PEAR1: variants seen among roughly 807,000 people sequenced by gnomAD.
The protein encoded by PEAR1 is multiple EGF-like domains protein 12.
A neutral mutation model predicts 131.2 loss-of-function variants in PEAR1; 113 were observed. The observed-to-expected ratio is 0.86, with a 90% CI of 0.74 to 1.01. PEAR1 has a LOEUF of 1.01. Ranked by LOEUF, PEAR1 falls within the 50% of genes least tolerant of loss-of-function variation. The pLI is 0.00. For missense variants in PEAR1, 1,408 were observed against 1,391.1 expected, an observed-to-expected ratio of 1.01 and a Z score of -0.19; for synonymous variants, 565 against 523.3, an observed-to-expected ratio of 1.08 and a Z score of -1.09.
intron 6 of PEAR1, 96 bp from the exon 7 acceptor site, chr1:156,907,514 G>A: frequency 6.6e-7 from 1 of 1,524,384 alleles, no homozygotes. Flanking sequence ...GAATCACTAA[G>A]TCCTGAGGTG....
At chr1:156,906,389 G>A (rs1650303294) in intron 5 of PEAR1, 21 bp downstream of exon 5, 3 of 1,613,604 alleles carry the variant, frequency 1.9e-6, no homozygotes, top group African/African-American at 1.3e-5. Context: ...ACTGACCCCA[G>A]GGAGTGGCCT....
intron 11 of PEAR1, among the ~76,000 whole-genome samples, chr1:156,909,371 C>A (rs1650777770): frequency 6.6e-6 from 1 of 152,190 alleles, no homozygotes; most frequent in Non-Finnish European, 1.5e-5. Flanking sequence ...AACCTTTAGG[C>A]TGGACTCGGA....
rs1486330909 is a variant in PEAR1 at position 156,915,849 on chromosome 1, T to C, written c.*1051T>C. ...AACAAATGCTCCCCAAAAGGCTGAG[T>C]GGCTGACTGAATTAAGTACCAGTGA... On this transcript the variant is annotated 3_prime_UTR_variant, in exon 23 of 23. Coordinates refer to ENST00000292357, the MANE Select transcript of PEAR1 (RefSeq NM_001080471.3). 1 of 152,230 alleles carries C rather than the reference T, an allele frequency of 6.6e-6. No homozygotes were observed. The highest frequency in any genetic ancestry group is 1.5e-5 in the Non-Finnish European group (1 of 68,054). 9.4% of individuals were successfully genotyped at this position (152,230 alleles called of 1,614,324 possible). A position where few individuals can be genotyped will look rare whatever the true frequency, so the allele number is the denominator to read the frequency against.
At chr1:156,914,425 G>T (rs917677151) in intron 22 of PEAR1, among the ~76,000 whole-genome samples, 2 of 152,190 alleles carry the variant, frequency 1.3e-5, no homozygotes, top group Non-Finnish European at 2.9e-5. Flanking sequence ...CCTGGGAGGT[G>T]GGCGGGCTGA....
At position 156,908,400 on chromosome 1, in the gene PEAR1, G is replaced by T. The variant is rs954137460; in HGVS notation, c.1115+60G>T. 9.0e-6 allele frequency: 13 copies of T among 1,444,496 alleles called. No homozygotes were observed. The Admixed American group carries it at 1.4e-4, about 16-fold the overall frequency. 89.5% of individuals were successfully genotyped at this position (1,444,496 alleles called of 1,614,324 possible). On this transcript the variant is annotated intron_variant, in intron 9 of 22. Coordinates refer to ENST00000292357, the MANE Select transcript of PEAR1 (RefSeq NM_001080471.3). This position sits in a 1 kb window ranked among gnomAD's most constrained non-coding sequence, Gnocchi z 4.2. ...GGCCAATGGGGAGGTCTTCCTGGCC[G>T]AAGTCACCACAGAGCCAGGGCCATA...
At chr1:156,910,540 G>A (rs1021741394) in intron 14 of PEAR1, 78 bp from the exon 15 acceptor site, 11 of 1,578,814 alleles carry the variant, frequency 7.0e-6, no homozygotes, top group Non-Finnish European at 9.5e-6. Flanking sequence ...CAGTGGGAAG[G>A]TGGGAGGGAG....
Position 156,904,855 on chromosome 1 carries a change from G to A in PEAR1, c.206+3G>A, listed in dbSNP as rs747671543. ...CCCCATACTTGCCCCCAGCCCACGT[G>A]AGTGCTCCTCATCCTCCATGGGTGG... On this transcript the variant is annotated splice_donor_region_variant and intron_variant, in intron 3 of 22. Transcript: ENST00000292357. The A allele has an allele frequency of 6.2e-6, 10 of 1,613,836 alleles. No homozygotes were observed.
intron 11 of PEAR1, 22 bp downstream of exon 11, chr1:156,909,058 G>A (rs1374011940): frequency 6.2e-7 from 1 of 1,613,344 alleles, no homozygotes. Flanking sequence ...GAGTTTCCCA[G>A]AGAGAAGACT....
In PEAR1 at chr1:156,913,840, C is replaced by T. The variant is rs777662819; in HGVS notation, c.2714-12C>T. 8.7e-6 allele frequency: 14 copies of T among 1,611,470 alleles called. No individual in the cohort carries two copies. In the African/African-American group the frequency reaches 1.5e-4, roughly 17 times the overall value. Reference sequence around the variant, plus strand: ...GCCTCCATGCGGCCTGACTTCTTTCCTCTATCCTTAGGGCTCATCTCTGAA... The same window carrying T: ...GCCTCCATGCGGCCTGACTTCTTTCTTCTATCCTTAGGGCTCATCTCTGAA... On this transcript the variant is annotated splice_polypyrimidine_tract_variant and intron_variant, in intron 21 of 22. Coordinates refer to ENST00000292357, the MANE Select transcript of PEAR1 (RefSeq NM_001080471.3).
intron 4 of PEAR1, 144 bp from the exon 5 acceptor site, chr1:156,906,132 C>T (rs1570958746): frequency 1.5e-6 from 1 of 666,896 alleles, no homozygotes; most frequent in South Asian, 2.0e-5. Flanking sequence ...GTTGCTGCCC[C>T]TCAGTCTTTA....
intron 1 of PEAR1, among the ~76,000 whole-genome samples, chr1:156,899,627 A>C (rs923112942): frequency 6.6e-6 from 1 of 152,156 alleles, no homozygotes; most frequent in Non-Finnish European, 1.5e-5. Context: ...CAAGAGGAGG[A>C]GTGGGACTGA....
chr1:156,904,574 GC>G (rs1432518445), intron 2 of PEAR1, among the ~76,000 whole-genome samples, 173 bp from the exon 3 acceptor site: 3 of 152,184 alleles, frequency 2.0e-5, no homozygotes, highest in Non-Finnish European at 2.9e-5. Flanking sequence ...TCTGGGAGAA[GC>G]CTCCAGACTT....
intron 6 of PEAR1, 98 bp from the exon 7 acceptor site, chr1:156,907,512 A>G: frequency 6.7e-7 from 1 of 1,490,822 alleles, no homozygotes; most frequent in Non-Finnish European, 8.9e-7. Context: ...GTGAATCACT[A>G]AGTCCTGAGG....
Position 156,903,940 on chromosome 1 carries a change from T to C in PEAR1, c.14T>C (p.Leu5Pro), listed in dbSNP as rs773761806. 2.5e-6 allele frequency: 4 copies of C among 1,613,998 alleles called. No individual in the cohort carries two copies. In the East Asian group the frequency reaches 6.7e-5, roughly 27 times the overall value. The part of the protein sequence containing the change: MSPP[L>P]CPLLLLAVGL... ...CAGGCCTCTGCAATGTCACCGCCTC[T>C]GTGTCCCCTCCTTCTCCTGGCTGTG... is the stretch of plus-strand genomic sequence containing the variant. Residue 5 changes from leucine (L) to proline (P), a missense_variant, in exon 2 of 23, where the codon CTG becomes CCG. Transcript: ENST00000292357.
rs185847859 is a variant in PEAR1, at chr1:156,908,539, C to T, written c.1116-116C>T. 7 of 1,230,934 alleles carry T rather than the reference C, an allele frequency of 5.7e-6. No individual in the cohort carries two copies. The highest frequency in any genetic ancestry group is 2.8e-4 in the Middle Eastern group (1 of 3,510). 76.3% of individuals were successfully genotyped at this position (1,230,934 alleles called of 1,614,324 possible). A position where few individuals can be genotyped will look rare whatever the true frequency, so the allele number is the denominator to read the frequency against. On this transcript the variant is annotated intron_variant, in intron 9 of 22. Coordinates refer to ENST00000292357, the MANE Select transcript of PEAR1 (RefSeq NM_001080471.3). This position sits in a 1 kb window ranked among gnomAD's most constrained non-coding sequence, Gnocchi z 4.2. The stretch of plus-strand genomic sequence containing the variant: ...GTTTTCAGAATAGCGCGGAGCCTCC[C>T]TAGTGACCCCCTTACCCCAGCGATG...
intron 1 of PEAR1, among the ~76,000 whole-genome samples, chr1:156,899,844 G>C (rs1649507665): frequency 6.6e-6 from 1 of 152,144 alleles, no homozygotes; most frequent in Non-Finnish European, 1.5e-5. Context: ...AGAGGTGAGG[G>C]GTTATCCTAT....
intron 1 of PEAR1, among the ~76,000 whole-genome samples, chr1:156,895,369 G>A (rs552081455): frequency 1.3e-5 from 2 of 152,336 alleles, no homozygotes; most frequent in South Asian, 4.1e-4. Flanking sequence ...AGGCCAGGTG[G>A]AGCCTCCACC....
Position 156,906,871 on chromosome 1 carries a change from C to G in PEAR1, c.635C>G (p.Thr212Ser), listed in dbSNP as rs1414906375. The change falls in exon 6 of 23, where the codon ACT (threonine) becomes AGT (serine). Residue 212 changes from threonine (T) to serine (S), a missense_variant. Transcript: ENST00000292357. ...TGACFCPAER[T>S]GPSCDVSCSQ... Reference sequence around the variant, plus strand: ...GCCTGCTTCTGCCCCGCAGAGAGAACTGGGCCCAGGTATGTAATGGGGGGA... The same window carrying G: ...GCCTGCTTCTGCCCCGCAGAGAGAAGTGGGCCCAGGTATGTAATGGGGGGA... 26 of 1,613,846 alleles carry G rather than the reference C, an allele frequency of 1.6e-5. No individual in the cohort carries two copies. In the Admixed American group the frequency reaches 4.3e-4, roughly 27 times the overall value.
In PEAR1 at chr1:156,908,436, A is replaced by G; in HGVS notation, c.1115+96A>G. 1 of 1,366,000 alleles carries G rather than the reference A, an allele frequency of 7.3e-7. No homozygotes were observed. The highest frequency in any genetic ancestry group is 9.7e-7 in the Non-Finnish European group (1 of 1,033,652). The allele number at this position is 1,366,000 out of a possible 1,614,324, so 84.6% of individuals were successfully genotyped here. On this transcript the variant is annotated intron_variant, in intron 9 of 22. Coordinates refer to ENST00000292357, the MANE Select transcript of PEAR1 (RefSeq NM_001080471.3). This position sits in a 1 kb window ranked among gnomAD's most constrained non-coding sequence, Gnocchi z 4.2. ...AGAGCCAGGGCCATATCCAAGGGGG[A>G]CAGGTGTCACAGAAGGGGAAAGGGA... is the stretch of plus-strand genomic sequence containing the variant.
Sources: allele counts gnomAD v4.1 joint callset (sites outside exome capture counted in the v4.1 genomes callset), GRCh38; gene constraint gnomAD v4.1.1; non-coding constraint Gnocchi (gnomAD v3.1); transcripts MANE v1.5; gene names NCBI Gene and HGNC (gene_info 2026-07-23, HGNC 2026-07-21).